COMMD1: variants seen among roughly 807,000 people sequenced by gnomAD.
The protein encoded by COMMD1 is copper metabolism domain containing 1.
Under a neutral mutation model 17.2 loss-of-function variants are expected in COMMD1, and 10 were observed. That is an observed-to-expected ratio of 0.58 (90% confidence interval 0.36 to 0.99). The LOEUF (loss-of-function observed/expected upper bound fraction) is 0.99, where lower values mean the gene tolerates loss of function less well. Ranked by LOEUF, COMMD1 falls within the 50% of genes least tolerant of loss-of-function variation. The probability of loss-of-function intolerance (pLI) is 0.01; values close to 1 mark genes in which losing one functional copy is unlikely to be tolerated. For missense variants in COMMD1, 270 were observed against 231.8 expected, an observed-to-expected ratio of 1.17 and a Z score of -1.07; for synonymous variants, 97 against 91.6, an observed-to-expected ratio of 1.06 and a Z score of -0.34.
chr2:61,992,627 G>A (rs536626661), intron 1 of COMMD1, among the ~76,000 whole-genome samples: 2 of 152,160 alleles, frequency 1.3e-5, no homozygotes, highest in African/African-American at 2.4e-5. Flanking sequence ...GCCAACTCCC[G>A]TTTCTTGGGT....
chr2:62,063,929 C>G (rs1335759492), intron 2 of COMMD1, among the ~76,000 whole-genome samples: 1 of 125,022 alleles, frequency 8.0e-6, no homozygotes, highest in Non-Finnish European at 1.6e-5. Context: ...TGTCTGTAAT[C>G]CTAGCTACTC....
intron 2 of COMMD1, among the ~76,000 whole-genome samples, chr2:62,020,575 T>G (rs1669583495): frequency 6.6e-6 from 1 of 152,210 alleles, no homozygotes; most frequent in Non-Finnish European, 1.5e-5. Flanking sequence ...CTTCAAAACC[T>G]TATGGGTCTC....
chr2:61,985,105 C>T (rs529344075), intron 1 of COMMD1, among the ~76,000 whole-genome samples: 12 of 149,248 alleles, frequency 8.0e-5, no homozygotes, highest in East Asian at 3.9e-4. Context: ...GGCTGGAGTG[C>T]GGTGGCACGA....
At chr2:62,096,250 C>G (rs965990368) in intron 2 of COMMD1, among the ~76,000 whole-genome samples, 5 of 152,194 alleles carry the variant, frequency 3.3e-5, no homozygotes, top group Admixed American at 3.3e-4. Flanking sequence ...TTGACTGTTA[C>G]TCTTCTCCAT....
chr2:61,993,577 GAGA>G (rs1246635082), intron 1 of COMMD1, among the ~76,000 whole-genome samples: 1 of 152,230 alleles, frequency 6.6e-6, no homozygotes, highest in Non-Finnish European at 1.5e-5. Flanking sequence ...GTGGAAGAGA[GAGA>G]AGAATAAAGG....
Position 62,091,424 on chromosome 2 carries a change from T to C in COMMD1, c.463-44407T>C, listed in dbSNP as rs569510047. 1.1e-4 allele frequency among the ~76,000 whole-genome samples: 16 copies of C among 152,376 alleles called. 1 individual carries two copies. The highest frequency in any genetic ancestry group is 3.6e-4 in the African/African-American group (15 of 41,594). On this transcript the variant is annotated intron_variant, in intron 2 of 2. Transcript: ENST00000311832. ...GTTTTTTGGGTGGCCAATTTTGGTG[T>C]ATCCACCAGGAATGCTGTTGCCATT...
At chr2:62,086,561 C>A (rs1343880373) in intron 2 of COMMD1, among the ~76,000 whole-genome samples, 1 of 151,750 alleles carries the variant, frequency 6.6e-6, no homozygotes, top group Non-Finnish European at 1.5e-5. Flanking sequence ...CTTTCATGTT[C>A]GACTAAGCAT....
At chr2:61,909,944 T>G (rs183291038) in intron 1 of COMMD1, among the ~76,000 whole-genome samples, 1 of 152,334 alleles carries the variant, frequency 6.6e-6, no homozygotes, top group Non-Finnish European at 1.5e-5. Context: ...CAAGGTGTTA[T>G]GTAGTGATTC....
At chr2:62,076,576 G>T (rs535496099) in intron 2 of COMMD1, among the ~76,000 whole-genome samples, 177 of 152,080 alleles carry the variant, frequency 1.2e-3, no homozygotes, top group Non-Finnish European at 1.9e-3. Context: ...GTGAAACCCC[G>T]TCGCTACTAA....
intron 1 of COMMD1, among the ~76,000 whole-genome samples, chr2:61,931,321 A>C (rs1302925449): frequency 6.6e-6 from 1 of 152,108 alleles, no homozygotes; most frequent in Non-Finnish European, 1.5e-5. Flanking sequence ...CAAAAAAATA[A>C]ATAAAAATAA....
At chr2:62,062,226 GT>G (rs577579260) in intron 2 of COMMD1, among the ~76,000 whole-genome samples, 3 of 146,562 alleles carry the variant, frequency 2.0e-5, no homozygotes, top group Non-Finnish European at 4.5e-5. Context: ...GTTTTTTTTT[GT>G]TTTTTTGTTT....
intron 2 of COMMD1, among the ~76,000 whole-genome samples, chr2:62,043,480 T>C (rs959509209): frequency 6.6e-6 from 1 of 152,202 alleles, no homozygotes; most frequent in African/African-American, 2.4e-5. Context: ...CCAGGTCTTA[T>C]TCCTTTTTGC....
At chr2:61,973,719 CT>C (rs1190650916) in intron 1 of COMMD1, among the ~76,000 whole-genome samples, 1 of 152,064 alleles carries the variant, frequency 6.6e-6, no homozygotes, top group Non-Finnish European at 1.5e-5. Flanking sequence ...AAATCTCAGT[CT>C]TTGATCTGAA....
chr2:61,905,891 G>C lies in COMMD1; in HGVS notation c.180+33G>C, dbSNP rs55876357. 5,925 of 1,608,970 alleles carry C rather than the reference G, an allele frequency of 3.7e-3. 25 individuals carry two copies. The highest frequency in any genetic ancestry group is 4.1e-3 in the Non-Finnish European group (4,766 of 1,176,538). ...TCTTTTCTGTAGTCTCCGGCTTGGA[G>C]CAGAACCCCTTGGCCGCTGGCTTCA... On this transcript the variant is annotated intron_variant, in intron 1 of 2. Coordinates refer to ENST00000311832, the MANE Select transcript of COMMD1 (RefSeq NM_152516.4).
At chr2:61,929,632 T>C (rs1670413492) in intron 1 of COMMD1, among the ~76,000 whole-genome samples, 1 of 152,226 alleles carries the variant, frequency 6.6e-6, no homozygotes, top group Admixed American at 6.5e-5. Context: ...TTGTGTCATA[T>C]ACAACTTAAA....
At chr2:62,046,138 A>G (rs1670378794) in intron 2 of COMMD1, among the ~76,000 whole-genome samples, 1 of 152,240 alleles carries the variant, frequency 6.6e-6, no homozygotes, top group African/African-American at 2.4e-5. Flanking sequence ...CAACTCTGTC[A>G]GATTTCCCTT....
intron 1 of COMMD1, among the ~76,000 whole-genome samples, chr2:61,956,898 A>C (rs1671212616): frequency 6.6e-6 from 1 of 151,598 alleles, no homozygotes; most frequent in Non-Finnish European, 1.5e-5. Context: ...CCACAGATGC[A>C]TGCCACCATG....
At chr2:61,940,162 A>G (rs1403009734) in intron 1 of COMMD1, among the ~76,000 whole-genome samples, 2 of 152,190 alleles carry the variant, frequency 1.3e-5, no homozygotes, top group Non-Finnish European at 2.9e-5. Flanking sequence ...TACAAAGTGG[A>G]GGATTTGTCC....
intron 2 of COMMD1, among the ~76,000 whole-genome samples, chr2:62,115,291 G>C (rs562988409): frequency 6.6e-6 from 1 of 152,226 alleles, no homozygotes; most frequent in African/African-American, 2.4e-5. Context: ...CTAGTCAATA[G>C]ATTAGGCACA....
Sources: allele counts gnomAD v4.1 joint callset (sites outside exome capture counted in the v4.1 genomes callset), GRCh38; gene constraint gnomAD v4.1.1; transcripts MANE v1.5; gene names NCBI Gene and HGNC (gene_info 2026-07-23, HGNC 2026-07-21).